The following PTPN11 variants were observed in gnomAD, a reference collection of about 807,000 sequenced individuals.
The protein encoded by PTPN11 is tyrosine-protein phosphatase non-receptor type 11.
PTPN11 carries 6 observed loss-of-function variants against 78.8 expected under a neutral mutation model. The ratio of observed to expected loss-of-function variants is 0.08; its 90% CI spans 0.04 to 0.15. The LOEUF (loss-of-function observed/expected upper bound fraction) is 0.15, where lower values mean the gene tolerates loss of function less well. Among genes scored for constraint, PTPN11 ranks in the 10% least tolerant of loss-of-function variants. PTPN11 has a pLI of 1.00. For missense variants in PTPN11, 386 were observed against 744.8 expected, an observed-to-expected ratio of 0.52 and a Z score of 5.61; for synonymous variants, 221 against 263.5, an observed-to-expected ratio of 0.84 and a Z score of 1.56.
At chr12:112,481,277 A>G (rs966477245) in intron 9 of PTPN11, among the ~76,000 whole-genome samples, 2 of 152,146 alleles carry the variant, frequency 1.3e-5, no homozygotes, top group Admixed American at 1.3e-4. Flanking sequence ...TGCCTTCCCT[A>G]TGGAGTGACT....
intron 1 of PTPN11, among the ~76,000 whole-genome samples, chr12:112,427,803 T>G (rs778547427): frequency 6.6e-6 from 1 of 152,018 alleles, no homozygotes; most frequent in Admixed American, 6.6e-5. Context: ...CCACACTGGA[T>G]TGCAGTGATG....
chr12:112,429,740 T>C (rs1461240993), intron 1 of PTPN11, among the ~76,000 whole-genome samples: 2 of 149,910 alleles, frequency 1.3e-5, no homozygotes, highest in African/African-American at 2.4e-5. Flanking sequence ...GGAGTGGAGG[T>C]TGCAGTGAGC....
At position 112,455,352 on chromosome 12, in the gene PTPN11, C is replaced by T. The variant is rs547757490; in HGVS notation, c.643-598C>T. On this transcript the variant is annotated intron_variant, in intron 5 of 15. Coordinates refer to ENST00000351677, the MANE Select transcript of PTPN11 (RefSeq NM_002834.5). Reference sequence around the variant, plus strand: ...CCGGGTTCAAGAGCTTCTCCTGCCTCAGCCTCCTGAGTAGCTGGGATTATA... The same window carrying T: ...CCGGGTTCAAGAGCTTCTCCTGCCTTAGCCTCCTGAGTAGCTGGGATTATA... Among the ~76,000 whole-genome samples, 15 of 151,156 alleles carry T rather than the reference C, an allele frequency of 9.9e-5. 1 individual carries two copies. In the South Asian group the frequency reaches 2.9e-3, roughly 29 times the overall value.
Position 112,450,520 on chromosome 12 carries a change from A to G in PTPN11, c.332+8A>G. 1 of 1,613,066 alleles carries G rather than the reference A, an allele frequency of 6.2e-7. No individual in the cohort carries two copies. On this transcript the variant is annotated splice_region_variant and intron_variant, in intron 3 of 15. Coordinates refer to ENST00000351677, the MANE Select transcript of PTPN11 (RefSeq NM_002834.5). ...AGATCCTACCTCTGAAAGGTCAGTA[A>G]CATTTTAGTGACCACAAAGTCTGCT...
intron 13 of PTPN11, among the ~76,000 whole-genome samples, chr12:112,495,161 A>G (rs2038799218): frequency 6.6e-6 from 1 of 152,220 alleles, no homozygotes; most frequent in Admixed American, 6.5e-5. Flanking sequence ...TAACCATGAT[A>G]CATTTATCAA....
chr12:112,504,790 G>C lies in PTPN11; in HGVS notation c.*26G>C, dbSNP rs2038914640. On this transcript the variant is annotated 3_prime_UTR_variant, in exon 15 of 16. Transcript: ENST00000351677. The surrounding 1 kb of genome is among the most constrained non-coding windows in gnomAD (Gnocchi z 4.7). ...GAAAACCTGCCAAAACTTCAGCACA[G>C]AAATAGGTATTTAAATGCAAGTGCT... is the stretch of plus-strand genomic sequence containing the variant. 3.3e-6 allele frequency: 5 copies of C among 1,527,804 alleles called. No individual in the cohort carries two copies. Among genetic ancestry groups the C allele is most frequent in the Non-Finnish European group, 4.5e-6 (5 of 1,102,234 alleles). The allele number at this position is 1,527,804 out of a possible 1,614,324, so 94.6% of individuals were successfully genotyped here. A position where few individuals can be genotyped will look rare whatever the true frequency, so the allele number is the denominator to read the frequency against.
chr12:112,503,655 C>A (rs1192606287), intron 14 of PTPN11, among the ~76,000 whole-genome samples: 1 of 152,202 alleles, frequency 6.6e-6, no homozygotes, highest in Non-Finnish European at 1.5e-5. Flanking sequence ...GGTTCTGAGT[C>A]CTTGCCAGAC....
chr12:112,486,951 A>C, intron 11 of PTPN11: 1 of 1,308,764 alleles, frequency 7.6e-7, no homozygotes, highest in Non-Finnish European at 9.8e-7. Flanking sequence ...ATTCTTCATG[A>C]TGTTTGCTTT....
At chr12:112,476,509 C>T (rs1461253698) in intron 7 of PTPN11, among the ~76,000 whole-genome samples, 2 of 152,206 alleles carry the variant, frequency 1.3e-5, no homozygotes, top group Non-Finnish European at 2.9e-5. Context: ...TGGCTCACAA[C>T]TGTAATCCCA....
intron 1 of PTPN11, among the ~76,000 whole-genome samples, chr12:112,425,770 C>G (rs540003374): frequency 6.6e-6 from 1 of 152,132 alleles, no homozygotes; most frequent in Non-Finnish European, 1.5e-5. Flanking sequence ...ACTCTGTCAC[C>G]CAGGCTGGAG....
intron 13 of PTPN11, among the ~76,000 whole-genome samples, 157 bp downstream of exon 13, chr12:112,489,332 A>T (rs748040604): frequency 1.1e-4 from 17 of 152,224 alleles, no homozygotes; most frequent in Non-Finnish European, 7.3e-5. Context: ...GAAACTGTCA[A>T]TTATTCTCCA....
intron 7 of PTPN11, 81 bp downstream of exon 7, chr12:112,473,121 G>C: frequency 8.5e-7 from 1 of 1,181,058 alleles, no homozygotes; most frequent in Non-Finnish European, 1.3e-6. Context: ...CCTCAGGGTC[G>C]TGTGCTCTTG....
At chr12:112,442,661 A>G (rs2135850884) in intron 1 of PTPN11, among the ~76,000 whole-genome samples, 1 of 150,362 alleles carries the variant, frequency 6.7e-6, no homozygotes, top group African/African-American at 2.4e-5. Flanking sequence ...CGTGTTGGCC[A>G]GGCTGGTCTC....
intron 6 of PTPN11, among the ~76,000 whole-genome samples, chr12:112,465,653 G>A (rs1490756004): frequency 6.6e-6 from 1 of 151,982 alleles, no homozygotes; most frequent in African/African-American, 2.4e-5. Flanking sequence ...CCATACACCT[G>A]CTTCATTCTT....
At chr12:112,455,923 T>G (rs2135872172) in intron 5 of PTPN11, 27 bp from the exon 6 acceptor site, 1 of 1,310,878 alleles carries the variant, frequency 7.6e-7, no homozygotes, top group South Asian at 1.2e-5. Flanking sequence ...TTTTCTTTAT[T>G]TTACATCAAC....
chr12:112,448,723 C>A (rs1280049169), intron 2 of PTPN11, among the ~76,000 whole-genome samples: 1 of 152,056 alleles, frequency 6.6e-6, no homozygotes, highest in African/African-American at 2.4e-5. Flanking sequence ...CTGTCACCAG[C>A]AGGTAGCGAT....
At position 112,486,641 on chromosome 12, in the gene PTPN11, T is replaced by A. The variant is rs2135913062; in HGVS notation, c.1379+12T>A. 1 of 1,612,034 alleles carries A rather than the reference T, an allele frequency of 6.2e-7. No homozygotes were observed. The highest frequency in any genetic ancestry group is 8.5e-7 in the Non-Finnish European group (1 of 1,179,928). ...GTGGTGCACTGCAGGTGACAGCTCC[T>A]GCTGCCCCTCTAGGCCACAGCCTGT... On this transcript the variant is annotated intron_variant, in intron 11 of 15. Transcript: ENST00000351677.
chr12:112,480,855 G>A (rs369581782), intron 9 of PTPN11, among the ~76,000 whole-genome samples: 6 of 152,320 alleles, frequency 3.9e-5, no homozygotes, highest in African/African-American at 1.4e-4. Flanking sequence ...TGGAAAGTGA[G>A]TGGTGTGGAT....
At chr12:112,484,321 G>T (rs1202602948) in intron 10 of PTPN11, among the ~76,000 whole-genome samples, 1 of 152,226 alleles carries the variant, frequency 6.6e-6, no homozygotes, top group East Asian at 1.9e-4. Context: ...CCATTGCCTG[G>T]TTTTTCTCCA....
Sources: gnomAD v4.1 joint callset for allele counts (sites outside exome capture counted in the v4.1 genomes callset) on GRCh38, gnomAD v4.1.1 for gene constraint, Gnocchi (gnomAD v3.1) non-coding constraint, MANE v1.5 for transcripts, NCBI Gene and HGNC (gene_info 2026-07-23, HGNC 2026-07-21) for gene names.